ITPRID2: variants seen among roughly 807,000 people sequenced by gnomAD.
The protein encoded by ITPRID2 is ITPR interacting domain containing 2, also known as protein ITPRID2.
A neutral mutation model predicts 124.3 loss-of-function variants in ITPRID2; 60 were observed. That is an observed-to-expected ratio of 0.48 (90% CI 0.39 to 0.60). The LOEUF is 0.60. Ranked by LOEUF, ITPRID2 falls within the 20% of genes least tolerant of loss-of-function variation. The pLI is 0.00. For synonymous variants in ITPRID2, 521 were observed against 542.9 expected, an observed-to-expected ratio of 0.96 and a Z score of 0.56; for missense variants, 1,553 against 1,512.2, an observed-to-expected ratio of 1.03 and a Z score of -0.45.
chr2:181,917,027 A>T, intron 11 of ITPRID2: 10 of 983,842 alleles, frequency 1.0e-5, no homozygotes, highest in Non-Finnish European at 9.7e-6. Flanking sequence ...ATTTGATTTA[A>T]AATGCTCTGT....
chr2:181,897,183 G>T (rs185927633), intron 4 of ITPRID2, among the ~76,000 whole-genome samples: 35 of 152,042 alleles, frequency 2.3e-4, no homozygotes, highest in African/African-American at 6.7e-4. Context: ...GTGTCCATCT[G>T]TCTTTCTTGG....
chr2:181,927,735 G>A (rs922027269), intron 16 of ITPRID2, among the ~76,000 whole-genome samples: 30 of 152,274 alleles, frequency 2.0e-4, no homozygotes, highest in African/African-American at 7.0e-4. Context: ...CAGTATACCT[G>A]TATACTATTT....
rs1323675049 is a variant in ITPRID2, at chr2:181,915,211, C to T, written c.1576-5C>T. On this transcript the variant is annotated splice_region_variant and splice_polypyrimidine_tract_variant and intron_variant, in intron 10 of 17. Coordinates refer to ENST00000431877, the MANE Select transcript of ITPRID2 (RefSeq NM_001130445.3). ...TTCATCTTTCCACCTATTTTCTTTTCACAGGTTCAGGAGTCCTTGCAGGCT... is the reference window on the plus strand; with the variant it reads ...TTCATCTTTCCACCTATTTTCTTTTTACAGGTTCAGGAGTCCTTGCAGGCT... 2 of 1,605,970 alleles carry T rather than the reference C, an allele frequency of 1.2e-6. No homozygotes were observed. The highest frequency in any genetic ancestry group is 2.7e-5 in the African/African-American group (2 of 74,394).
At position 181,891,934 on chromosome 2, in the gene ITPRID2, T is replaced by A; in HGVS notation, c.-133T>A. ...CCTCCCTGTCCCCTCCTCCTCCTCC[T>A]CCTCCTCCGGCGCCCGCTTCAGCTC... On this transcript the variant is annotated 5_prime_UTR_variant, in exon 1 of 18. Transcript: ENST00000431877. 1.4e-5 allele frequency: 5 copies of A among 350,536 alleles called. No homozygotes were observed. Among genetic ancestry groups the A allele is most frequent in the Non-Finnish European group, 2.1e-5 (4 of 188,676 alleles). The allele number at this position is 350,536 out of a possible 1,614,324, so 21.7% of individuals were successfully genotyped here.
chr2:181,928,826 C>T (rs1013607001), intron 17 of ITPRID2, among the ~76,000 whole-genome samples: 73 of 152,152 alleles, frequency 4.8e-4, no homozygotes, highest in Non-Finnish European at 9.6e-4. Context: ...CGGGGTTTCA[C>T]CGTTTTAGCC....
intron 15 of ITPRID2, among the ~76,000 whole-genome samples, chr2:181,921,383 C>T (rs1162972183): frequency 6.6e-6 from 1 of 151,812 alleles, no homozygotes; most frequent in Non-Finnish European, 1.5e-5. Context: ...GAGGCTGAGG[C>T]AGGAGACTTG....
intron 4 of ITPRID2, among the ~76,000 whole-genome samples, chr2:181,897,926 T>C (rs1165399455): frequency 6.6e-6 from 1 of 152,048 alleles, no homozygotes; most frequent in African/African-American, 2.4e-5. Context: ...AGCTTAAACT[T>C]ACTGATTCCC....
chr2:181,897,808 C>T (rs1692329334), intron 4 of ITPRID2, among the ~76,000 whole-genome samples: 1 of 151,894 alleles, frequency 6.6e-6, no homozygotes, highest in Non-Finnish European at 1.5e-5. Context: ...TCAAATGCAT[C>T]TGTAAAGTAA....
At chr2:181,915,075 A>C in intron 10 of ITPRID2, 141 bp from the exon 11 acceptor site, 1 of 912,242 alleles carries the variant, frequency 1.1e-6, no homozygotes, top group South Asian at 1.7e-5. Flanking sequence ...GCTCAGGAGC[A>C]ATAAAACAAT....
rs1369310701 is a variant in ITPRID2 at position 181,915,345 on chromosome 2, G to A, written c.1705G>A (p.Glu569Lys). The A allele has an allele frequency of 1.2e-6, 2 of 1,614,026 alleles. No homozygotes were observed. The highest frequency in any genetic ancestry group is 1.1e-5 in the South Asian group (1 of 91,082). The change falls in exon 11 of 18, where the codon GAG (glutamate) becomes AAG (lysine). Residue 569 changes from glutamate (E) to lysine (K), a missense_variant. Physicochemically the swap from Glu to Lys is moderately conservative, Grantham distance 56. Coordinates refer to ENST00000431877, the MANE Select transcript of ITPRID2 (RefSeq NM_001130445.3). ...CCAGCCTTATTTTAATGAATCAGAG[G>A]AGGAGTCTCTTGTCCCTCTTCAGAA... ...QDQPYFNESEEESLVPLQKGL... is the reference protein window; with the variant it reads ...QDQPYFNESEKESLVPLQKGL...
intron 16 of ITPRID2, among the ~76,000 whole-genome samples, chr2:181,923,206 G>A (rs1368811887): frequency 6.6e-6 from 1 of 152,136 alleles, no homozygotes; most frequent in Non-Finnish European, 1.5e-5. Context: ...ACTGAGATCA[G>A]GTAATAGGAA....
chr2:181,919,330 T>G lies in ITPRID2; in HGVS notation c.3028T>G (p.Ser1010Ala). 1.9e-6 allele frequency: 3 copies of G among 1,614,140 alleles called. No homozygotes were observed. Among genetic ancestry groups the G allele is most frequent in the Non-Finnish European group, 2.5e-6 (3 of 1,180,028 alleles). ...TGATCAGCTCCAGGGTTTGAGAAATTCAGTCCGAATGGAACTTCAGGACCT... is the reference window on the plus strand; with the variant it reads ...TGATCAGCTCCAGGGTTTGAGAAATGCAGTCCGAATGGAACTTCAGGACCT... Reference protein sequence around the residue: ...EVDQLQGLRNSVRMELQDLEL... With the variant: ...EVDQLQGLRNAVRMELQDLEL... The change falls in exon 14 of 18, where the codon TCA becomes GCA. Residue 1010 changes from serine (S) to alanine (A), a missense_variant. Physicochemically the swap from Ser to Ala is moderately conservative, Grantham distance 99. Transcript: ENST00000431877. This position sits in a 1 kb window ranked among gnomAD's most constrained non-coding sequence, Gnocchi z 4.2.
Position 181,910,181 on chromosome 2 carries a change from A to T in ITPRID2, c.1486+210A>T, listed in dbSNP as rs1264750219. ...AATTAGTTTGCTAATTAGTTTGCTT[A>T]TTCTGGAATGACCTCATTACACAAT... On this transcript the variant is annotated intron_variant, in intron 9 of 17. Transcript: ENST00000431877. The surrounding 1 kb of genome is among the most constrained non-coding windows in gnomAD (Gnocchi z 4.1). 6.6e-6 allele frequency among the ~76,000 whole-genome samples: 1 copy of T among 152,130 alleles called. No homozygotes were observed. The highest frequency in any genetic ancestry group is 1.5e-5 in the Non-Finnish European group (1 of 67,994).
At position 181,902,310 on chromosome 2, in the gene ITPRID2, T is replaced by C. The variant is rs929901432; in HGVS notation, c.1257T>C (p.Ser419=). The change falls in exon 8 of 18, where the codon AGT becomes AGC. Residue 419 remains serine, a synonymous_variant. Coordinates refer to ENST00000431877, the MANE Select transcript of ITPRID2 (RefSeq NM_001130445.3). This position sits in a 1 kb window ranked among gnomAD's most constrained non-coding sequence, Gnocchi z 4.4. ...GTATTGTAGAATCCAAATTAGATAGTGATTTCAACATATCCAGCCACAGTG... is the reference window on the plus strand; with the variant it reads ...GTATTGTAGAATCCAAATTAGATAGCGATTTCAACATATCCAGCCACAGTG... ...ESGIVESKLD[S]DFNISSHSEL... The C allele has an allele frequency of 1.2e-6, 2 of 1,613,806 alleles. No individual in the cohort carries two copies. Among genetic ancestry groups the C allele is most frequent in the African/African-American group, 2.7e-5 (2 of 74,894 alleles).
Position 181,919,430 on chromosome 2 carries a change from G to A in ITPRID2, c.3128G>A (p.Arg1043His), listed in dbSNP as rs1694322985. The A allele has an allele frequency of 3.7e-6, 6 of 1,602,750 alleles. No homozygotes were observed. Among genetic ancestry groups the A allele is most frequent in the South Asian group, 2.2e-5 (2 of 89,736 alleles). ...LRAVRMPSPFRSSALMGMCGS... is the reference protein window; with the variant it reads ...LRAVRMPSPFHSSALMGMCGS... Reference sequence around the variant, plus strand: ...GCTGTGCGCATGCCTTCACCCTTCCGCTCCTCCGCACTCATGGTACGCTAC... The same window carrying A: ...GCTGTGCGCATGCCTTCACCCTTCCACTCCTCCGCACTCATGGTACGCTAC... The change falls in exon 14 of 18, where the codon CGC (arginine) becomes CAC (histidine). Residue 1043 changes from arginine (R) to histidine (H), a missense_variant. Arg to His is a conservative substitution (Grantham distance 29). Coordinates refer to ENST00000431877, the MANE Select transcript of ITPRID2 (RefSeq NM_001130445.3). This position sits in a 1 kb window ranked among gnomAD's most constrained non-coding sequence, Gnocchi z 4.2.
In ITPRID2 at chr2:181,892,571, G is replaced by A. The variant is rs747262362; in HGVS notation, c.212-44G>A. On this transcript the variant is annotated intron_variant, in intron 1 of 17. Coordinates refer to ENST00000431877, the MANE Select transcript of ITPRID2 (RefSeq NM_001130445.3). The surrounding 1 kb of genome is among the most constrained non-coding windows in gnomAD (Gnocchi z 5.2). ...GGTCCAGGGTGACTCCGCCGTCGTA[G>A]TGCTCCTGGGTGGTAACGTGCTGTC... 2.5e-6 allele frequency: 4 copies of A among 1,613,328 alleles called. No homozygotes were observed. Among genetic ancestry groups the A allele is most frequent in the Admixed American group, 1.7e-5 (1 of 60,010 alleles).
At chr2:181,898,094 G>A (rs1330728144) in intron 4 of ITPRID2, among the ~76,000 whole-genome samples, 4 of 152,092 alleles carry the variant, frequency 2.6e-5, no homozygotes, top group African/African-American at 9.6e-5. Context: ...TTGTTTTACT[G>A]AAAATTATTT....
At position 181,922,359 on chromosome 2, in the gene ITPRID2, G is replaced by A; in HGVS notation, c.3622G>A (p.Glu1208Lys). The A allele has an allele frequency of 6.2e-7, 1 of 1,614,010 alleles. No homozygotes were observed. Among genetic ancestry groups the A allele is most frequent in the South Asian group, 1.1e-5 (1 of 91,050 alleles). ...AAAACTCCCATCAATGCCAGCTGCT[G>A]AGGAAATGCATAAAAATGTGGAGCA... ...HGKLPSMPAA[E>K]EMHKNVEQDE... Residue 1208 changes from glutamate (E) to lysine (K), a missense_variant, in exon 16 of 18, where the codon GAG (glutamate) becomes AAG (lysine). Coordinates refer to ENST00000431877, the MANE Select transcript of ITPRID2 (RefSeq NM_001130445.3).
At chr2:181,897,397 C>T (rs1313815451) in intron 4 of ITPRID2, among the ~76,000 whole-genome samples, 1 of 151,950 alleles carries the variant, frequency 6.6e-6, no homozygotes, top group African/African-American at 2.4e-5. Flanking sequence ...GTCTTTTCCC[C>T]ATTTTCCTGA....
Sources: allele counts gnomAD v4.1 joint callset (sites outside exome capture counted in the v4.1 genomes callset), GRCh38; gene constraint gnomAD v4.1.1; non-coding constraint Gnocchi (gnomAD v3.1); transcripts MANE v1.5; gene names NCBI Gene and HGNC (gene_info 2026-07-23, HGNC 2026-07-21).